The following AMBRA1 variants were observed in gnomAD, a reference collection of about 807,000 sequenced individuals.
The protein encoded by AMBRA1 is activating molecule in BECN1-regulated autophagy protein 1.
In AMBRA1, 47 loss-of-function variants were observed where a neutral mutation model predicts 125.4. The observed-to-expected ratio is 0.37, with a 90% CI of 0.30 to 0.48. The LOEUF is 0.48. Among genes scored for constraint, AMBRA1 ranks in the 20% least tolerant of loss-of-function variants. The pLI is 0.99. For missense variants in AMBRA1, 1,331 were observed against 1,693.4 expected (o/e 0.79, Z 3.76); for synonymous variants, 626 against 655.5 (o/e 0.95, Z 0.69).
chr11:46,420,722 G>A lies in AMBRA1; in HGVS notation c.2977-2670C>T, dbSNP rs145924379. ...TGAGCAGAGCACACCCAGAGTTAAG[G>A]AGGGATGAGGGTTAACCTCAATGGG... On this transcript the variant is annotated intron_variant, in intron 14 of 17. Transcript: ENST00000683756. Among the ~76,000 whole-genome samples, 511 of 152,316 alleles carry A rather than the reference G, an allele frequency of 3.4e-3. 3 individuals are homozygous for A. The highest frequency in any genetic ancestry group is 0.012 in the African/African-American group (492 of 41,576).
chr11:46,499,659 T>G (rs1230990598), intron 9 of AMBRA1, among the ~76,000 whole-genome samples: 1 of 152,026 alleles, frequency 6.6e-6, no homozygotes, highest in Non-Finnish European at 1.5e-5. Flanking sequence ...AAATTTTTCT[T>G]TTTTTTCTTT....
chr11:46,441,447 G>A (rs1008561572), intron 12 of AMBRA1, among the ~76,000 whole-genome samples: 7 of 152,014 alleles, frequency 4.6e-5, no homozygotes, highest in Admixed American at 3.3e-4. Context: ...CTGGGGGTGC[G>A]GAGATTGCAG....
At chr11:46,412,887 G>A (rs1296169402) in intron 15 of AMBRA1, among the ~76,000 whole-genome samples, 1 of 152,174 alleles carries the variant, frequency 6.6e-6, no homozygotes, top group African/African-American at 2.4e-5. Context: ...GTCTGTGTTA[G>A]ATACTATGTG....
chr11:46,542,806 G>A lies in AMBRA1; in HGVS notation c.1211C>T (p.Ser404Phe). The A allele has an allele frequency of 6.2e-7, 1 of 1,614,118 alleles. No individual in the cohort carries two copies. The highest frequency in any genetic ancestry group is 8.5e-7 in the Non-Finnish European group (1 of 1,180,022). Reference sequence around the variant, plus strand: ...AGGAGCTATTTCTCGGTGATACCTAGAAGGGTGGCTAGACAGAGGCCCTCC... The same window carrying A: ...AGGAGCTATTTCTCGGTGATACCTAAAAGGGTGGCTAGACAGAGGCCCTCC... Reference protein sequence around the residue: ...SLGGPLSSHPSRYHREIAPGL... With the variant: ...SLGGPLSSHPFRYHREIAPGL... The change falls in exon 7 of 18, where the codon TCT (serine) becomes TTT (phenylalanine). Residue 404 changes from serine to phenylalanine, a missense_variant. Physicochemically the swap from Ser to Phe is radical, Grantham distance 155 (BLOSUM62 -2). Transcript: ENST00000683756. This position sits in a 1 kb window ranked among gnomAD's most constrained non-coding sequence, Gnocchi z 5.9.
At chr11:46,455,701 T>A (rs1385340052) in intron 11 of AMBRA1, among the ~76,000 whole-genome samples, 1 of 152,188 alleles carries the variant, frequency 6.6e-6, no homozygotes, top group Non-Finnish European at 1.5e-5. Flanking sequence ...AATACTTTGC[T>A]CCCTAATTCA....
At chr11:46,541,620 G>A (rs1008472763) in intron 7 of AMBRA1, among the ~76,000 whole-genome samples, 2 of 152,118 alleles carry the variant, frequency 1.3e-5, no homozygotes, top group African/African-American at 2.4e-5. Context: ...ACAATGTCTC[G>A]ACAAGGTCAA....
At chr11:46,457,444 G>C (rs1471893081) in intron 11 of AMBRA1, among the ~76,000 whole-genome samples, 1 of 152,216 alleles carries the variant, frequency 6.6e-6, no homozygotes, top group Non-Finnish European at 1.5e-5. Context: ...TGACAATCTT[G>C]AGGGTGTTCC....
chr11:46,439,873 T>C (rs151164174), intron 12 of AMBRA1, among the ~76,000 whole-genome samples: 62 of 152,118 alleles, frequency 4.1e-4, no homozygotes, highest in African/African-American at 1.4e-3. Flanking sequence ...GCAATCTTGT[T>C]TGTAACACAA....
intron 11 of AMBRA1, among the ~76,000 whole-genome samples, chr11:46,486,751 T>C (rs1365264311): frequency 6.6e-6 from 1 of 151,784 alleles, no homozygotes; most frequent in East Asian, 1.9e-4. Context: ...ACTAAAAATA[T>C]AAAAATTAGC....
intron 12 of AMBRA1, among the ~76,000 whole-genome samples, chr11:46,436,725 T>C (rs548159524): frequency 7.2e-5 from 11 of 152,322 alleles, no homozygotes; most frequent in East Asian, 1.9e-4. Context: ...GCTGGGGATA[T>C]AGAACCAAAG....
At chr11:46,416,962 GGGAA>G (rs1193427286) in intron 15 of AMBRA1, among the ~76,000 whole-genome samples, 25 of 152,190 alleles carry the variant, frequency 1.6e-4, no homozygotes, top group African/African-American at 5.8e-4. Context: ...CCAGAGGAAG[GGGAA>G]GGGGTGTCAT....
At chr11:46,491,221 A>G (rs1950448256) in intron 11 of AMBRA1, 1 of 152,230 alleles carries the variant, frequency 6.6e-6, no homozygotes, top group Non-Finnish European at 1.5e-5. Context: ...CCTAAGAAAA[A>G]GAATGACATT....
intron 11 of AMBRA1, among the ~76,000 whole-genome samples, chr11:46,465,098 C>T (rs994131092): frequency 6.6e-6 from 1 of 151,944 alleles, no homozygotes; most frequent in Non-Finnish European, 1.5e-5. Context: ...ATTCCCCAGC[C>T]CTAAATCACC....
chr11:46,485,974 G>T (rs1226218924), intron 11 of AMBRA1, among the ~76,000 whole-genome samples: 1 of 152,200 alleles, frequency 6.6e-6, no homozygotes, highest in African/African-American at 2.4e-5. Flanking sequence ...GGCCCCGGGT[G>T]CTATAAGGCA....
chr11:46,440,712 A>T (rs1473932149), intron 12 of AMBRA1, among the ~76,000 whole-genome samples: 1 of 152,200 alleles, frequency 6.6e-6, no homozygotes, highest in Non-Finnish European at 1.5e-5. Context: ...TTAAAGAATG[A>T]ATTACTGGAC....
rs147493674 is a variant in AMBRA1 at position 46,578,750 on chromosome 11, G to A, written c.-121+15078C>T. Among the ~76,000 whole-genome samples, 730 of 150,766 alleles carry A rather than the reference G, an allele frequency of 4.8e-3. 7 individuals carry two copies. Among genetic ancestry groups the A allele is most frequent in the African/African-American group, 0.017 (678 of 41,044 alleles). On this transcript the variant is annotated intron_variant, in intron 1 of 17. Coordinates refer to ENST00000683756, the MANE Select transcript of AMBRA1 (RefSeq NM_001387011.1). ...GAAAAAATTAGCCAGGCATGGTGGC[G>A]GGCGTCTGTAGTCCCAGCTACTCAG...
rs1324754211 is a variant in AMBRA1 at position 46,410,325 on chromosome 11, C to T, written c.3160G>A (p.Glu1054Lys). Residue 1054 changes from glutamate to lysine, a missense_variant, in exon 16 of 18, where the codon GAG (glutamate) becomes AAG (lysine). Around this residue, in one of 4 missense-constraint regions of AMBRA1, gnomAD observed 354 missense variants for 532.7 expected, o/e 0.66. Transcript: ENST00000683756. ...TTGGAATGGACAGTGAAGACCGTCT[C>T]GTTCAGCTGGTCCCAGTAGTACTCA... ...GVEYYWDQLNETVFTVHSNSR... is the reference protein window; with the variant it reads ...GVEYYWDQLNKTVFTVHSNSR... 9 of 1,613,954 alleles carry T rather than the reference C, an allele frequency of 5.6e-6. No individual in the cohort carries two copies. The highest frequency in any genetic ancestry group is 1.7e-5 in the Admixed American group (1 of 60,018).
At chr11:46,466,594 AT>A (rs1244567693) in intron 11 of AMBRA1, among the ~76,000 whole-genome samples, 2 of 152,224 alleles carry the variant, frequency 1.3e-5, no homozygotes, top group Non-Finnish European at 2.9e-5. Context: ...GCTTATATAA[AT>A]AATAATAGAG....
chr11:46,473,172 A>G (rs1333140773), intron 11 of AMBRA1, among the ~76,000 whole-genome samples: 1 of 152,252 alleles, frequency 6.6e-6, no homozygotes, highest in African/African-American at 2.4e-5. Context: ...CTGGAAAATA[A>G]GCAATTGACA....
Sources: gnomAD v4.1 joint callset for allele counts (sites outside exome capture counted in the v4.1 genomes callset) on GRCh38, gnomAD v4.1.1 for gene constraint, gnomAD v4.1.1 regional missense constraint, Gnocchi (gnomAD v3.1) non-coding constraint, MANE v1.5 for transcripts, NCBI Gene and HGNC (gene_info 2026-07-23, HGNC 2026-07-21) for gene names.